Variants in LHFPL3 observed in about 807,000 individuals in gnomAD.
The protein encoded by LHFPL3 is LHFPL tetraspan subfamily member 3.
Under a neutral mutation model 19.3 loss-of-function variants are expected in LHFPL3, and 5 were observed. That is an observed-to-expected ratio of 0.26 (90% CI 0.14 to 0.54). LHFPL3 has a LOEUF of 0.54. Among genes scored for constraint, LHFPL3 ranks in the 20% least tolerant of loss-of-function variants. The pLI, the probability that LHFPL3 is intolerant of heterozygous loss-of-function variation, is 0.94. For missense variants in LHFPL3, 249 were observed against 307.4 expected, an observed-to-expected ratio of 0.81 and a Z score of 1.42; for synonymous variants, 133 against 126.2, an observed-to-expected ratio of 1.05 and a Z score of -0.36.
chr7:104,867,886 G>T (rs1034209352), intron 2 of LHFPL3, among the ~76,000 whole-genome samples: 1 of 151,622 alleles, frequency 6.6e-6, no homozygotes, highest in African/African-American at 2.4e-5. Flanking sequence ...CACCATGATC[G>T]AGTGGGCTTC....
intron 2 of LHFPL3, among the ~76,000 whole-genome samples, chr7:104,782,962 G>T (rs934083584): frequency 1.3e-5 from 2 of 152,184 alleles, no homozygotes; most frequent in Admixed American, 1.3e-4. Context: ...ACACACACAT[G>T]CACACATACA....
rs924410515 is a variant in LHFPL3, at chr7:104,608,412, C to G, written c.446-128263C>G. Among the ~76,000 whole-genome samples the G allele has an allele frequency of 2.0e-5, 3 of 148,332 alleles. No individual in the cohort carries two copies. The East Asian group carries it at 6.0e-4, about 30-fold the overall frequency. On this transcript the variant is annotated intron_variant, in intron 1 of 2. Transcript: ENST00000424859. ...ATCACAAGGACAAAAAACCAAACAC[C>G]GCATGTTCTCACTCATAGGTGGGAA...
intron 1 of LHFPL3, among the ~76,000 whole-genome samples, chr7:104,453,648 T>C (rs1792486182): frequency 6.6e-6 from 1 of 152,152 alleles, no homozygotes; most frequent in Non-Finnish European, 1.5e-5. Context: ...CCAAATCTCA[T>C]GGTGCATGTA....
chr7:104,704,531 T>A (rs940619096), intron 1 of LHFPL3, among the ~76,000 whole-genome samples: 1 of 152,172 alleles, frequency 6.6e-6, no homozygotes, highest in African/African-American at 2.4e-5. Context: ...GTACTTTTTT[T>A]TTTTTTAGTA....
intron 1 of LHFPL3, among the ~76,000 whole-genome samples, chr7:104,522,366 A>G (rs1794086343): frequency 8.4e-6 from 1 of 118,692 alleles, no homozygotes; most frequent in African/African-American, 3.3e-5. Context: ...GAAGGGGAAC[A>G]TCACACTCTG....
intron 2 of LHFPL3, chr7:104,845,284 T>C: frequency 1.4e-6 from 1 of 739,186 alleles, no homozygotes; most frequent in Non-Finnish European, 2.4e-6. Context: ...GTCAATGGAA[T>C]AGCCAGGAAT....
At chr7:104,622,256 T>C (rs990735215) in intron 1 of LHFPL3, among the ~76,000 whole-genome samples, 64 of 152,212 alleles carry the variant, frequency 4.2e-4, no homozygotes, top group African/African-American at 1.5e-3. Context: ...ACCACAGGCA[T>C]GGGCCACCAC....
chr7:104,752,997 T>C (rs2116349547), intron 2 of LHFPL3, among the ~76,000 whole-genome samples: 1 of 152,348 alleles, frequency 6.6e-6, no homozygotes, highest in Admixed American at 6.5e-5. Context: ...GGGTCACTCT[T>C]TGTGTTGTAC....
At chr7:104,845,107 T>G (rs890004881) in intron 2 of LHFPL3, among the ~76,000 whole-genome samples, 2 of 152,210 alleles carry the variant, frequency 1.3e-5, no homozygotes, top group Non-Finnish European at 2.9e-5. Flanking sequence ...GTGCTACTAT[T>G]GGCCCGTTTT....
intron 1 of LHFPL3, among the ~76,000 whole-genome samples, chr7:104,461,417 C>T (rs1792660443): frequency 6.6e-6 from 1 of 152,210 alleles, no homozygotes; most frequent in Admixed American, 6.5e-5. Flanking sequence ...CAATCATCTG[C>T]ATATGACTAG....
chr7:104,399,716 C>T lies in LHFPL3; in HGVS notation c.445+70492C>T, dbSNP rs1244290727. ...CTTGAACTCCCAACCTCGTGCTCCGCCCACCTCGGCCTCCCAAAGTGCTGG... is the reference window on the plus strand; with the variant it reads ...CTTGAACTCCCAACCTCGTGCTCCGTCCACCTCGGCCTCCCAAAGTGCTGG... On this transcript the variant is annotated intron_variant, in intron 1 of 2. Coordinates refer to ENST00000424859, the MANE Select transcript of LHFPL3 (RefSeq NM_199000.3). This position sits in a 1 kb window ranked among gnomAD's most constrained non-coding sequence, Gnocchi z 4.4. Among the ~76,000 whole-genome samples, 2 of 151,144 alleles carry T rather than the reference C, an allele frequency of 1.3e-5. No individual in the cohort carries two copies. The highest frequency in any genetic ancestry group is 2.9e-5 in the Non-Finnish European group (2 of 67,814).
intron 1 of LHFPL3, among the ~76,000 whole-genome samples, chr7:104,689,691 C>T (rs1293466326): frequency 6.6e-6 from 1 of 152,154 alleles, no homozygotes; most frequent in Non-Finnish European, 1.5e-5. Flanking sequence ...AATCATCAGA[C>T]TTTTTGGGGA....
At chr7:104,745,646 A>T (rs528250813) in intron 2 of LHFPL3, among the ~76,000 whole-genome samples, 52 of 152,290 alleles carry the variant, frequency 3.4e-4, no homozygotes, top group African/African-American at 1.2e-3. Context: ...CAGAGGCTGG[A>T]TGAATACTTT....
At chr7:104,812,189 C>G (rs1198858000) in intron 2 of LHFPL3, among the ~76,000 whole-genome samples, 1 of 152,196 alleles carries the variant, frequency 6.6e-6, no homozygotes, top group Non-Finnish European at 1.5e-5. Context: ...ACAAAGTCTC[C>G]ATCTGAACTT....
chr7:104,400,175 C>T (rs553299928), intron 1 of LHFPL3, among the ~76,000 whole-genome samples: 60 of 131,238 alleles, frequency 4.6e-4, no homozygotes, highest in African/African-American at 1.6e-3. Flanking sequence ...GAAATTTGAC[C>T]TTCCATGTGT....
At chr7:104,409,582 C>T (rs555535518) in intron 1 of LHFPL3, among the ~76,000 whole-genome samples, 234 of 152,058 alleles carry the variant, frequency 1.5e-3, no homozygotes, top group African/African-American at 4.9e-3. Flanking sequence ...TGCCACTGCA[C>T]TCCAGCCTAG....
chr7:104,433,885 G>A (rs571404762), intron 1 of LHFPL3, among the ~76,000 whole-genome samples: 1 of 152,226 alleles, frequency 6.6e-6, no homozygotes, highest in South Asian at 2.1e-4. Flanking sequence ...CTAGCACAGT[G>A]CCCGGCACAC....
rs150475058 is a variant in LHFPL3, at chr7:104,466,563, G to A, written c.445+137339G>A. On this transcript the variant is annotated intron_variant, in intron 1 of 2. Coordinates refer to ENST00000424859, the MANE Select transcript of LHFPL3 (RefSeq NM_199000.3). ...GACCATTGTATTTTCAAATTCTGCA[G>A]CTTTTAGTTCATTCCCTATATTGTT... is the stretch of plus-strand genomic sequence containing the variant. Among the ~76,000 whole-genome samples, 22 of 152,300 alleles carry A rather than the reference G, an allele frequency of 1.4e-4. No individual in the cohort carries two copies. The East Asian group carries it at 4.0e-3, about 28-fold the overall frequency.
intron 1 of LHFPL3, among the ~76,000 whole-genome samples, chr7:104,598,649 A>G (rs10270888): frequency 0.97 from 148,134 of 152,302 alleles, 72,148 homozygotes; most frequent in East Asian, 1. Context: ...AAGCTTTAGC[A>G]GAAAAACACC....
Sources: gnomAD v4.1 joint callset for allele counts (sites outside exome capture counted in the v4.1 genomes callset) on GRCh38, gnomAD v4.1.1 for gene constraint, Gnocchi (gnomAD v3.1) non-coding constraint, MANE v1.5 for transcripts, NCBI Gene and HGNC (gene_info 2026-07-23, HGNC 2026-07-21) for gene names.